The following PIP4K2A variants were observed in gnomAD, a reference collection of about 807,000 sequenced individuals.
PIP4K2A encodes the protein phosphatidylinositol 5-phosphate 4-kinase type-2 alpha.
A neutral mutation model predicts 42.9 loss-of-function variants in PIP4K2A; 14 were observed. The ratio of observed to expected loss-of-function variants is 0.33; its 90% CI spans 0.22 to 0.51. The LOEUF is 0.51. Among genes scored for constraint, PIP4K2A ranks in the 20% least tolerant of loss-of-function variants. The pLI, the probability that PIP4K2A is intolerant of heterozygous loss-of-function variation, is 0.97. For missense variants in PIP4K2A, 434 were observed against 519.8 expected (o/e 0.83, Z 1.61); for synonymous variants, 192 against 192.2 (o/e 1.00, Z 0.01).
chr10:22,707,242 A>G (rs183689133), intron 1 of PIP4K2A, among the ~76,000 whole-genome samples: 9 of 152,346 alleles, frequency 5.9e-5, no homozygotes, highest in Admixed American at 5.9e-4. Flanking sequence ...AGTAGGTACC[A>G]TTATTACCTC....
intron 3 of PIP4K2A, among the ~76,000 whole-genome samples, chr10:22,599,431 C>T (rs1837703762): frequency 6.6e-6 from 1 of 152,132 alleles, no homozygotes; most frequent in Non-Finnish European, 1.5e-5. Context: ...TGTGACTGGC[C>T]CAAACATTGA....
At chr10:22,552,147 C>T (rs1366428710) in intron 6 of PIP4K2A, among the ~76,000 whole-genome samples, 1 of 152,130 alleles carries the variant, frequency 6.6e-6, no homozygotes. Flanking sequence ...ATTCAATCAG[C>T]AGTTACTGAG....
chr10:22,544,037 T>C (rs1836196324), intron 7 of PIP4K2A, among the ~76,000 whole-genome samples: 1 of 152,144 alleles, frequency 6.6e-6, no homozygotes. Flanking sequence ...ATCAGCTACC[T>C]CTGGAGGCTG....
chr10:22,594,668 G>A (rs1298045115), intron 3 of PIP4K2A, among the ~76,000 whole-genome samples: 2 of 152,210 alleles, frequency 1.3e-5, no homozygotes, highest in Admixed American at 6.5e-5. Context: ...CCAAAGTGCT[G>A]GGATTACAGG....
chr10:22,692,294 G>A (rs1490212249), intron 1 of PIP4K2A, among the ~76,000 whole-genome samples: 1 of 152,068 alleles, frequency 6.6e-6, no homozygotes, highest in Non-Finnish European at 1.5e-5. Context: ...GATCTGACAG[G>A]AGGCAGAGCT....
At chr10:22,659,997 T>C (rs1337236784) in intron 1 of PIP4K2A, among the ~76,000 whole-genome samples, 2 of 152,304 alleles carry the variant, frequency 1.3e-5, no homozygotes, top group South Asian at 2.1e-4. Context: ...GGGTCCCTCC[T>C]GGCTGCAAGG....
chr10:22,543,068 C>A (rs1836166405), intron 7 of PIP4K2A, among the ~76,000 whole-genome samples: 1 of 152,212 alleles, frequency 6.6e-6, no homozygotes, highest in Non-Finnish European at 1.5e-5. Context: ...ATGCAAAGGG[C>A]AAACAGATAA....
chr10:22,607,541 C>T (rs1347706609), intron 3 of PIP4K2A, among the ~76,000 whole-genome samples: 2 of 152,076 alleles, frequency 1.3e-5, no homozygotes, highest in Admixed American at 1.3e-4. Flanking sequence ...CCTGAGAGTC[C>T]TAAGTAGCCT....
intron 1 of PIP4K2A, among the ~76,000 whole-genome samples, chr10:22,660,388 T>C (rs762281325): frequency 6.6e-6 from 1 of 152,068 alleles, no homozygotes; most frequent in African/African-American, 2.4e-5. Context: ...GGAGAACTGC[T>C]TGAACCCGGG....
chr10:22,657,871 C>A (rs1157685441), intron 1 of PIP4K2A, among the ~76,000 whole-genome samples: 1 of 152,046 alleles, frequency 6.6e-6, no homozygotes, highest in African/African-American at 2.4e-5. Flanking sequence ...TGGGTGCAAT[C>A]GCTAAATTTC....
chr10:22,608,207 G>A (rs1383404096), intron 2 of PIP4K2A, among the ~76,000 whole-genome samples, 184 bp from the exon 3 acceptor site: 1 of 152,214 alleles, frequency 6.6e-6, no homozygotes, highest in Non-Finnish European at 1.5e-5. Flanking sequence ...GGGCCAGACG[G>A]ATGTCTGTCT....
At chr10:22,688,068 C>T (rs1475080188) in intron 1 of PIP4K2A, among the ~76,000 whole-genome samples, 1 of 152,154 alleles carries the variant, frequency 6.6e-6, no homozygotes. Flanking sequence ...TAGGTCAAAT[C>T]TTCACACAGA....
At chr10:22,682,456 A>G (rs942731946) in intron 1 of PIP4K2A, among the ~76,000 whole-genome samples, 1 of 152,216 alleles carries the variant, frequency 6.6e-6, no homozygotes, top group Non-Finnish European at 1.5e-5. Flanking sequence ...GCTATTCCTA[A>G]TATAGTGTTT....
rs1345863815 is a variant in PIP4K2A at position 22,540,077 on chromosome 10, G to A, written c.1037-3C>T. The A allele has an allele frequency of 2.0e-6, 3 of 1,536,014 alleles. No individual in the cohort carries two copies. The highest frequency in any genetic ancestry group is 2.7e-5 in the African/African-American group (2 of 73,048). On this transcript the variant is annotated splice_region_variant and splice_polypyrimidine_tract_variant and intron_variant, in intron 8 of 9. Transcript: ENST00000376573. ...GTACACCTCCTTCCTAGGCGAGTCT[G>A]CAGAGACAGGAGAGCAATGACTGTG...
intron 1 of PIP4K2A, among the ~76,000 whole-genome samples, chr10:22,669,742 T>A (rs1839413577): frequency 6.6e-6 from 1 of 152,214 alleles, no homozygotes; most frequent in South Asian, 2.1e-4. Flanking sequence ...GCAGTGGAGC[T>A]TGGAAGACTT....
chr10:22,614,567 A>G (rs1386642700), intron 1 of PIP4K2A, among the ~76,000 whole-genome samples: 1 of 152,208 alleles, frequency 6.6e-6, no homozygotes, highest in African/African-American at 2.4e-5. Context: ...ACTTGTAAAC[A>G]AACACTTCAC....
chr10:22,637,085 A>G (rs1838681628), intron 1 of PIP4K2A, among the ~76,000 whole-genome samples: 2 of 152,236 alleles, frequency 1.3e-5, no homozygotes, highest in Non-Finnish European at 2.9e-5. Context: ...CATTTTAAAG[A>G]TGGAGGCAAT....
At chr10:22,700,710 G>A (rs1048025435) in intron 1 of PIP4K2A, among the ~76,000 whole-genome samples, 1 of 152,148 alleles carries the variant, frequency 6.6e-6, no homozygotes, top group Admixed American at 6.5e-5. Context: ...TGCTACAGAG[G>A]TCATTCTCGG....
chr10:22,703,234 C>G (rs542134695), intron 1 of PIP4K2A, among the ~76,000 whole-genome samples: 39 of 151,758 alleles, frequency 2.6e-4, no homozygotes, highest in Non-Finnish European at 4.9e-4. Context: ...AGCGAGACCC[C>G]CCATCTCTTA....
Sources: gnomAD v4.1 joint callset for allele counts (sites outside exome capture counted in the v4.1 genomes callset) on GRCh38, gnomAD v4.1.1 for gene constraint, MANE v1.5 for transcripts, NCBI Gene and HGNC (gene_info 2026-07-23, HGNC 2026-07-21) for gene names.